DIXDC1: variants seen among roughly 807,000 people sequenced by gnomAD.
The protein encoded by DIXDC1 is dixin.
Under a neutral mutation model 103.1 loss-of-function variants are expected in DIXDC1, and 64 were observed. The observed-to-expected ratio is 0.62, with a 90% CI of 0.51 to 0.76. The LOEUF (loss-of-function observed/expected upper bound fraction) is 0.76, where lower values mean the gene tolerates loss of function less well. Ranked by LOEUF, DIXDC1 falls within the 30% of genes least tolerant of loss-of-function variation. The pLI, the probability that DIXDC1 is intolerant of heterozygous loss-of-function variation, is 0.00. For synonymous variants in DIXDC1, 266 were observed against 298.5 expected, an observed-to-expected ratio of 0.89 and a Z score of 1.12; for missense variants, 759 against 834.2, an observed-to-expected ratio of 0.91 and a Z score of 1.11.
intron 3 of DIXDC1, among the ~76,000 whole-genome samples, chr11:111,971,818 A>G (rs1859946582): frequency 6.6e-6 from 1 of 152,204 alleles, no homozygotes; most frequent in African/African-American, 2.4e-5. Flanking sequence ...CCTTTGCTGC[A>G]ACATGGATGC....
intron 1 of DIXDC1, among the ~76,000 whole-genome samples, chr11:111,949,980 C>T (rs1370582195): frequency 2.0e-5 from 3 of 152,034 alleles, no homozygotes; most frequent in African/African-American, 7.2e-5. Flanking sequence ...ATTTATGTGC[C>T]TGTAAGCACT....
rs1592603964 is a variant in DIXDC1, at chr11:111,990,745, G to A, written c.1114-1670G>A. On this transcript the variant is annotated intron_variant, in intron 10 of 19. Transcript: ENST00000440460. ...TTCTGAGATGGAGTCTTGCTCTGTC[G>A]CCCAGAGCTGGAGTGCAATGGTATG... 3.3e-5 allele frequency among the ~76,000 whole-genome samples: 5 copies of A among 151,808 alleles called. No homozygotes were observed. In the South Asian group the frequency reaches 1.0e-3, roughly 32 times the overall value.
intron 2 of DIXDC1, among the ~76,000 whole-genome samples, chr11:111,931,893 C>T (rs1210987756): frequency 1.3e-5 from 2 of 152,134 alleles, no homozygotes; most frequent in African/African-American, 4.8e-5. Flanking sequence ...GACACCTGAT[C>T]AACTGATAGC....
At chr11:111,959,948 C>T (rs781886991) in intron 1 of DIXDC1, among the ~76,000 whole-genome samples, 5 of 152,058 alleles carry the variant, frequency 3.3e-5, no homozygotes, top group Non-Finnish European at 5.9e-5. Flanking sequence ...CTCATTCTGT[C>T]GCCCAGGCTG....
chr11:111,982,502 T>C lies in DIXDC1; in HGVS notation c.918+15T>C. 6.2e-7 allele frequency: 1 copy of C among 1,611,130 alleles called. No homozygotes were observed. The highest frequency in any genetic ancestry group is 8.5e-7 in the Non-Finnish European group (1 of 1,178,774). On this transcript the variant is annotated intron_variant, in intron 7 of 19. Coordinates refer to ENST00000440460, the MANE Select transcript of DIXDC1 (RefSeq NM_001037954.4). Reference sequence around the variant, plus strand: ...CAGGACTACAGGTAGCTCTCTCCCTTGTAGTTTGCCCTTGTTATACCAATT... The same window carrying C: ...CAGGACTACAGGTAGCTCTCTCCCTCGTAGTTTGCCCTTGTTATACCAATT...
chr11:111,971,514 C>T (rs369286232), intron 3 of DIXDC1, among the ~76,000 whole-genome samples: 82 of 152,300 alleles, frequency 5.4e-4, no homozygotes, highest in African/African-American at 1.9e-3. Flanking sequence ...GGGAATGTAA[C>T]TTTGTCCAGC....
upstream of DIXDC1, among the ~76,000 whole-genome samples, chr11:111,937,009 GTGTGTA>G (rs139934054): frequency 8.6e-5 from 13 of 151,196 alleles, no homozygotes; most frequent in African/African-American, 2.2e-4. Flanking sequence ...ATGTGTGTAT[GTGTGTA>G]TGTGTGTGTG....
intron 5 of DIXDC1, chr11:111,975,541 G>A (rs1860069143): frequency 1.0e-6 from 1 of 987,598 alleles, no homozygotes; most frequent in Admixed American, 6.0e-5. Flanking sequence ...GCCAAGTACA[G>A]AGACCAAAAC....
intron 17 of DIXDC1, among the ~76,000 whole-genome samples, chr11:112,011,715 A>G (rs1555177219): frequency 5.9e-5 from 9 of 151,420 alleles, no homozygotes. Context: ...CAAAAACCAA[A>G]CACCGCATGT....
intron 16 of DIXDC1, 32 bp from the exon 17 acceptor site, chr11:111,996,048 A>G: frequency 6.2e-7 from 1 of 1,608,314 alleles, no homozygotes; most frequent in Admixed American, 1.7e-5. Context: ...CTCATTGATC[A>G]TAACTCTTGT....
intron 1 of DIXDC1, among the ~76,000 whole-genome samples, chr11:111,951,011 T>C (rs1966786482): frequency 6.6e-6 from 1 of 151,400 alleles, no homozygotes; most frequent in Non-Finnish European, 1.5e-5. Flanking sequence ...ATTACCAAAA[T>C]AGACAAACTA....
chr11:111,936,920 GGTGT>G (rs1235861702), upstream of DIXDC1, among the ~76,000 whole-genome samples: 3 of 151,146 alleles, frequency 2.0e-5, no homozygotes, highest in East Asian at 1.9e-4. Flanking sequence ...CTGCAAGCCT[GGTGT>G]GTGTGTGCGC....
At chr11:111,937,228 C>A, upstream of DIXDC1, 1 of 1,153,316 alleles carries the variant, frequency 8.7e-7, no homozygotes, top group Non-Finnish European at 1.1e-6. Flanking sequence ...GGGCTGGGGG[C>A]AGCCCGGCAG....
In DIXDC1 at chr11:112,014,868, A is replaced by G. The variant is rs370827574; in HGVS notation, c.1757-1823A>G. Among the ~76,000 whole-genome samples the G allele has an allele frequency of 3.9e-4, 60 of 152,050 alleles. 2 individuals are homozygous for G. In the South Asian group the frequency reaches 0.012, roughly 32 times the overall value. On this transcript the variant is annotated intron_variant, in intron 17 of 19. Coordinates refer to ENST00000440460, the MANE Select transcript of DIXDC1 (RefSeq NM_001037954.4). Reference sequence around the variant, plus strand: ...GGGGCAAAGGAGAATTATGGCATGTAGGTTACAATAATTGGCATTCTTTTT... The same window carrying G: ...GGGGCAAAGGAGAATTATGGCATGTGGGTTACAATAATTGGCATTCTTTTT...
chr11:111,928,907 CCGGGCCATGCG>C (rs1965924626), intron 1 of DIXDC1, among the ~76,000 whole-genome samples: 1 of 151,660 alleles, frequency 6.6e-6, no homozygotes, highest in South Asian at 2.1e-4. Context: ...ATTATACATG[CCGGGCCATGCG>C]CGGTGGCTCA....
intron 1 of DIXDC1, among the ~76,000 whole-genome samples, chr11:111,940,169 G>C (rs892801829): frequency 6.6e-6 from 1 of 152,210 alleles, no homozygotes; most frequent in Non-Finnish European, 1.5e-5. Context: ...GTTGGCTTCT[G>C]TTCTCAATCC....
intron 17 of DIXDC1, among the ~76,000 whole-genome samples, chr11:112,001,338 G>T (rs1861059329): frequency 6.6e-6 from 1 of 152,170 alleles, no homozygotes; most frequent in South Asian, 2.1e-4. Flanking sequence ...GTGCATACAG[G>T]TTTTCTTTTG....
Position 111,944,623 on chromosome 11 carries a change from AATC to A in DIXDC1, c.60+7067_60+7069del, listed in dbSNP as rs1321097649. On this transcript the variant is annotated intron_variant, in intron 1 of 19. Coordinates refer to ENST00000440460, the MANE Select transcript of DIXDC1 (RefSeq NM_001037954.4). ...TGTATACTAGAAGACTTTTACCTAA[AATC>A]ATAGGGTTATTTGGAGTGTCTTGGA... 2.6e-5 allele frequency among the ~76,000 whole-genome samples: 4 copies of A among 152,174 alleles called. 1 individual carries two copies. Among genetic ancestry groups the A allele is most frequent in the Admixed American group, 2.6e-4 (4 of 15,272 alleles).
In DIXDC1 at chr11:111,974,962, C is replaced by T. The variant is rs374221859; in HGVS notation, c.635C>T (p.Pro212Leu). The T allele has an allele frequency of 3.3e-5, 53 of 1,612,408 alleles. No individual in the cohort carries two copies. The highest frequency in any genetic ancestry group is 6.7e-5 in the East Asian group (3 of 44,834). Residue 212 changes from proline (P) to leucine (L), a missense_variant, in exon 5 of 20, where the codon CCG becomes CTG. Physicochemically the swap from Pro to Leu is moderately conservative, Grantham distance 98. Coordinates refer to ENST00000440460, the MANE Select transcript of DIXDC1 (RefSeq NM_001037954.4). ...VQQYEGQQRS[P>L]SESSCSSLTS... Reference sequence around the variant, plus strand: ...CAGTACGAAGGGCAACAAAGGTCCCCGTCTGAATCCAGCTGCTCCAGGTAA... The same window carrying T: ...CAGTACGAAGGGCAACAAAGGTCCCTGTCTGAATCCAGCTGCTCCAGGTAA...
Sources: allele counts gnomAD v4.1 joint callset (sites outside exome capture counted in the v4.1 genomes callset), GRCh38; gene constraint gnomAD v4.1.1; transcripts MANE v1.5; gene names NCBI Gene and HGNC (gene_info 2026-07-23, HGNC 2026-07-21).